The following MACROD2 variants were observed in gnomAD, a reference collection of about 807,000 sequenced individuals.
MACROD2 encodes ADP-ribose glycohydrolase MACROD2.
A neutral mutation model predicts 70.4 loss-of-function variants in MACROD2; 36 were observed. That is an observed-to-expected ratio of 0.51 (90% confidence interval 0.39 to 0.68). The LOEUF (loss-of-function observed/expected upper bound fraction) is 0.68, where lower values mean the gene tolerates loss of function less well. Ranked by LOEUF, MACROD2 falls within the 30% of genes least tolerant of loss-of-function variation. The pLI, the probability that MACROD2 is intolerant of heterozygous loss-of-function variation, is 0.00. For missense variants in MACROD2, 496 were observed against 538.4 expected (o/e 0.92, Z 0.78); for synonymous variants, 172 against 178.8 (o/e 0.96, Z 0.30).
intron 3 of MACROD2, among the ~76,000 whole-genome samples, chr20:14,245,825 T>G (rs1480148461): frequency 1.3e-5 from 2 of 152,140 alleles, no homozygotes; most frequent in African/African-American, 4.8e-5. Context: ...AGTTGAAAAT[T>G]CACAGACACC....
chr20:15,086,187 A>G (rs1429136564), intron 5 of MACROD2, among the ~76,000 whole-genome samples: 1 of 152,218 alleles, frequency 6.6e-6, no homozygotes, highest in African/African-American at 2.4e-5. Flanking sequence ...ATTCAAGCTC[A>G]TATACTACAA....
intron 5 of MACROD2, among the ~76,000 whole-genome samples, chr20:14,929,987 C>T (rs2074278075): frequency 1.3e-5 from 2 of 151,812 alleles, no homozygotes; most frequent in Non-Finnish European, 2.9e-5. Context: ...CGGTGAAACC[C>T]CGTCTCTACT....
intron 5 of MACROD2, among the ~76,000 whole-genome samples, chr20:14,913,573 G>A (rs1300723382): frequency 1.3e-5 from 2 of 152,064 alleles, no homozygotes; most frequent in Non-Finnish European, 1.5e-5. Flanking sequence ...TGTAGTCCCA[G>A]CAACTCATGA....
rs2146406306 is a variant in MACROD2 at position 15,457,636 on chromosome 20, T to C, written c.571+26201T>C. Among the ~76,000 whole-genome samples the C allele has an allele frequency of 1.3e-5, 2 of 152,298 alleles. 1 individual carries two copies. Among genetic ancestry groups the C allele is most frequent in the South Asian group, 4.1e-4 (2 of 4,824 alleles). ...CTCTTTTCATGTCGTTGGCAGAATTTGTTACCAAATTCCTCTGCCTTTAGT... is the reference window on the plus strand; with the variant it reads ...CTCTTTTCATGTCGTTGGCAGAATTCGTTACCAAATTCCTCTGCCTTTAGT... On this transcript the variant is annotated intron_variant, in intron 7 of 17. Transcript: ENST00000684519.
At chr20:15,855,873 A>T (rs1384330786) in intron 8 of MACROD2, among the ~76,000 whole-genome samples, 1 of 151,836 alleles carries the variant, frequency 6.6e-6, no homozygotes, top group Non-Finnish European at 1.5e-5. Flanking sequence ...TTTTGTTCTC[A>T]TTGGTTTTTA....
intron 6 of MACROD2, among the ~76,000 whole-genome samples, chr20:15,318,136 A>C (rs2077834444): frequency 6.6e-6 from 1 of 152,156 alleles, no homozygotes. Flanking sequence ...AACTAAAATC[A>C]GAAATGAAAG....
rs913271215 is a variant in MACROD2, at chr20:14,234,780, A to C, written c.271+149052A>C. Among the ~76,000 whole-genome samples the C allele has an allele frequency of 5.3e-5, 8 of 152,274 alleles. No individual in the cohort carries two copies. In the South Asian group the frequency reaches 6.2e-4, roughly 12 times the overall value. ...CTTAGAGTTAAGCTGCATTCTTGTC[A>C]AAAAGATCTAGCACTCCAAGAGTGG... On this transcript the variant is annotated intron_variant, in intron 3 of 17. Coordinates refer to ENST00000684519, the MANE Select transcript of MACROD2 (RefSeq NM_001351661.2).
intron 5 of MACROD2, among the ~76,000 whole-genome samples, chr20:14,887,671 A>C (rs1229432734): frequency 6.6e-6 from 1 of 152,080 alleles, no homozygotes; most frequent in Non-Finnish European, 1.5e-5. Context: ...TACAGATGTG[A>C]GCCACCGTGG....
chr20:14,212,312 G>A (rs2081577651), intron 3 of MACROD2, among the ~76,000 whole-genome samples: 1 of 152,192 alleles, frequency 6.6e-6, no homozygotes, highest in Non-Finnish European at 1.5e-5. Flanking sequence ...CTCCTAAAGT[G>A]AGTATAGTAT....
chr20:15,582,036 C>T (rs1448705145), intron 8 of MACROD2, among the ~76,000 whole-genome samples: 1 of 152,040 alleles, frequency 6.6e-6, no homozygotes, highest in Non-Finnish European at 1.5e-5. Flanking sequence ...GCACGAGAAT[C>T]CCTTGAACCT....
intron 3 of MACROD2, among the ~76,000 whole-genome samples, chr20:14,162,806 T>G (rs2055209589): frequency 6.6e-6 from 1 of 152,080 alleles, no homozygotes; most frequent in Admixed American, 6.5e-5. Flanking sequence ...TTTTATTTAT[T>G]TATTTATTTT....
chr20:14,018,825 A>G (rs2053028780), intron 2 of MACROD2, among the ~76,000 whole-genome samples: 3 of 152,170 alleles, frequency 2.0e-5, no homozygotes, highest in South Asian at 4.1e-4. Context: ...ATAGAAGCAA[A>G]TATTATGGCA....
At chr20:15,453,732 A>T (rs182935143) in intron 7 of MACROD2, among the ~76,000 whole-genome samples, 136 of 152,250 alleles carry the variant, frequency 8.9e-4, no homozygotes, top group South Asian at 4.2e-4. Flanking sequence ...CTTCTCTGGG[A>T]TAAAGAATAC....
chr20:14,821,255 T>C (rs1037180371), intron 5 of MACROD2, among the ~76,000 whole-genome samples: 5 of 152,154 alleles, frequency 3.3e-5, no homozygotes, highest in African/African-American at 1.2e-4. Flanking sequence ...AATATCTTAA[T>C]CTGGCAGTCA....
chr20:15,250,405 C>T (rs2077144946), intron 6 of MACROD2, among the ~76,000 whole-genome samples: 3 of 152,176 alleles, frequency 2.0e-5, no homozygotes, highest in Admixed American at 1.3e-4. Flanking sequence ...TGGGCACAGA[C>T]GTTGCATTCG....
At chr20:15,311,704 G>C (rs772198536) in intron 6 of MACROD2, among the ~76,000 whole-genome samples, 3 of 152,130 alleles carry the variant, frequency 2.0e-5, no homozygotes, top group Admixed American at 1.3e-4. Flanking sequence ...AATACTGCAT[G>C]TTCTCACATA....
At chr20:15,843,993 T>C (rs1306584477) in intron 8 of MACROD2, among the ~76,000 whole-genome samples, 1 of 151,772 alleles carries the variant, frequency 6.6e-6, no homozygotes, top group Non-Finnish European at 1.5e-5. Flanking sequence ...ATAATCTCAA[T>C]CCTACCCCTT....
chr20:14,518,619 A>G (rs1182258744), intron 4 of MACROD2, among the ~76,000 whole-genome samples: 1 of 152,168 alleles, frequency 6.6e-6, no homozygotes, highest in African/African-American at 2.4e-5. Context: ...TATTAATACA[A>G]TTACATCATT....
intron 8 of MACROD2, among the ~76,000 whole-genome samples, chr20:15,836,577 G>A (rs571919696): frequency 3.9e-5 from 6 of 152,166 alleles, no homozygotes; most frequent in South Asian, 4.1e-4. Context: ...ACCTGAATAC[G>A]CAGCTCAATT....
Sources: allele counts gnomAD v4.1 joint callset (sites outside exome capture counted in the v4.1 genomes callset), GRCh38; gene constraint gnomAD v4.1.1; transcripts MANE v1.5; gene names NCBI Gene and HGNC (gene_info 2026-07-23, HGNC 2026-07-21).